Variants in PIK3CB observed in about 807,000 individuals in gnomAD.
PIK3CB encodes phosphatidylinositol 4,5-bisphosphate 3-kinase catalytic subunit beta isoform.
A neutral mutation model predicts 136.8 loss-of-function variants in PIK3CB; 39 were observed. That is an observed-to-expected ratio of 0.29 (90% confidence interval 0.22 to 0.37). The LOEUF (loss-of-function observed/expected upper bound fraction) is 0.37. Ranked by LOEUF, PIK3CB falls within the 10% of genes least tolerant of loss-of-function variation. The pLI, the probability that PIK3CB is intolerant of heterozygous loss-of-function variation, is 1.00. For missense variants in PIK3CB, 868 were observed against 1,275.4 expected (o/e 0.68, Z 4.87); for synonymous variants, 428 against 436.6 (o/e 0.98, Z 0.25).
chr3:138,771,953 C>A (rs1158620537), intron 2 of PIK3CB, among the ~76,000 whole-genome samples: 3 of 150,002 alleles, frequency 2.0e-5, no homozygotes, highest in East Asian at 3.9e-4. Context: ...TGCAAATAGG[C>A]ACTGAGCCTT....
At chr3:138,749,619 C>T (rs1416612377) in intron 4 of PIK3CB, among the ~76,000 whole-genome samples, 1 of 152,136 alleles carries the variant, frequency 6.6e-6, no homozygotes, top group Non-Finnish European at 1.5e-5. Context: ...TCCCCCTACA[C>T]CACCCATAAT....
intron 20 of PIK3CB, among the ~76,000 whole-genome samples, chr3:138,664,643 C>T (rs191598315): frequency 2.1e-4 from 32 of 152,262 alleles, no homozygotes; most frequent in African/African-American, 7.5e-4. Flanking sequence ...TTTCTAACAC[C>T]ATAGCCATAA....
intron 1 of PIK3CB, among the ~76,000 whole-genome samples, chr3:138,802,549 G>GAAAAAA (rs59622228): frequency 6.8e-6 from 1 of 147,138 alleles, no homozygotes. Context: ...TTTGTGAGGG[G>GAAAAAA]AAAAAAAAAA....
chr3:138,740,381 C>CA (rs1320786398), intron 5 of PIK3CB, among the ~76,000 whole-genome samples: 1 of 152,060 alleles, frequency 6.6e-6, no homozygotes, highest in Non-Finnish European at 1.5e-5. Context: ...ACAAAACAAA[C>CA]AAAAAACCCT....
At chr3:138,773,048 A>G (rs1255543796) in intron 2 of PIK3CB, among the ~76,000 whole-genome samples, 2 of 151,694 alleles carry the variant, frequency 1.3e-5, no homozygotes, top group African/African-American at 2.4e-5. Flanking sequence ...TTGGCCTCCC[A>G]AAGTGCTGGG....
intron 2 of PIK3CB, among the ~76,000 whole-genome samples, chr3:138,784,958 C>T (rs1440946323): frequency 1.3e-5 from 2 of 151,876 alleles, no homozygotes; most frequent in South Asian, 2.1e-4. Context: ...CGTCTCTGCC[C>T]GGCCACCCCG....
At chr3:138,731,769 G>C (rs1337212795) in intron 8 of PIK3CB, among the ~76,000 whole-genome samples, 1 of 151,780 alleles carries the variant, frequency 6.6e-6, no homozygotes, top group African/African-American at 2.4e-5. Context: ...CGGATCACGA[G>C]GTCAGGAGTT....
chr3:138,758,587 G>C (rs150213221), intron 3 of PIK3CB, among the ~76,000 whole-genome samples: 54 of 152,254 alleles, frequency 3.5e-4, no homozygotes, highest in Middle Eastern at 3.4e-3. Context: ...AAGAAGCTTG[G>C]AAAGGAGTTA....
chr3:138,698,378 G>A (rs1398272104), intron 13 of PIK3CB, among the ~76,000 whole-genome samples: 1 of 152,086 alleles, frequency 6.6e-6, no homozygotes, highest in Non-Finnish European at 1.5e-5. Flanking sequence ...TTAAATCAGG[G>A]AACTAAAATT....
In PIK3CB at chr3:138,666,863, T is replaced by A. The variant is rs1031220115; in HGVS notation, c.2505-1660A>T. 3.9e-5 allele frequency among the ~76,000 whole-genome samples: 6 copies of A among 152,060 alleles called. No homozygotes were observed. In the South Asian group the frequency reaches 1.2e-3, roughly 32 times the overall value. ...GCAAATGTACAATGTGCATGTGTGA[T>A]CTCTGTATAAGGAAGAAGTGCCAGG... On this transcript the variant is annotated intron_variant, in intron 19 of 23. Transcript: ENST00000674063.
At chr3:138,787,500 C>T (rs1287598850) in intron 2 of PIK3CB, among the ~76,000 whole-genome samples, 1 of 151,912 alleles carries the variant, frequency 6.6e-6, no homozygotes, top group Non-Finnish European at 1.5e-5. Flanking sequence ...ATCTTAATGA[C>T]AATTGCAAAC....
intron 19 of PIK3CB, among the ~76,000 whole-genome samples, chr3:138,666,327 C>T (rs888632993): frequency 3.9e-5 from 6 of 152,054 alleles, no homozygotes; most frequent in African/African-American, 9.7e-5. Context: ...AGTGCCACTA[C>T]GCCTGGCTAG....
At chr3:138,685,420 A>AAAAAAAAAAAAAAAAAAAAAAGAAAG (rs2043866681) in intron 16 of PIK3CB, among the ~76,000 whole-genome samples, 6 of 86,976 alleles carry the variant, frequency 6.9e-5, no homozygotes, top group South Asian at 6.3e-4. Flanking sequence ...AAAAAAAAAA[A>AAAAAAAAAAAAAAAAAAAAAAGAAAG]AAAGAAAGAA....
chr3:138,777,941 C>A, intron 2 of PIK3CB: 2 of 290,186 alleles, frequency 6.9e-6, no homozygotes, highest in South Asian at 3.7e-5. Flanking sequence ...CCTCATTGCC[C>A]TCAACTACAC....
intron 1 of PIK3CB, among the ~76,000 whole-genome samples, chr3:138,818,857 G>C (rs1933444713): frequency 6.6e-6 from 1 of 151,998 alleles, no homozygotes; most frequent in East Asian, 1.9e-4. Flanking sequence ...ATGTTATATA[G>C]AGTCTTAACT....
At chr3:138,831,356 G>A (rs2108937940) in intron 1 of PIK3CB, among the ~76,000 whole-genome samples, 1 of 151,996 alleles carries the variant, frequency 6.6e-6, no homozygotes, top group South Asian at 2.1e-4. Flanking sequence ...ACTTTGGGAG[G>A]CCGAGGCGGC....
intron 19 of PIK3CB, among the ~76,000 whole-genome samples, chr3:138,680,430 T>TA (rs577923006): frequency 4.2e-4 from 64 of 152,040 alleles, no homozygotes; most frequent in African/African-American, 1.5e-3. Flanking sequence ...GAGGATGTTA[T>TA]AAAAAAATAT....
In PIK3CB at chr3:138,834,305, G is replaced by C. The variant is rs199801951; in HGVS notation, c.-122+390C>G. ...TCTGAAATACACTTCTGCGCAAAAA[G>C]GCACCTGAGGGTCGGGAAGTTCCGG... On this transcript the variant is annotated intron_variant, in intron 1 of 23. Transcript: ENST00000674063. Among the ~76,000 whole-genome samples, 18 of 152,214 alleles carry C rather than the reference G, an allele frequency of 1.2e-4. No individual in the cohort carries two copies. The East Asian group carries it at 2.5e-3, about 21-fold the overall frequency.
chr3:138,797,544 T>C (rs960239348), intron 1 of PIK3CB, among the ~76,000 whole-genome samples: 6 of 152,164 alleles, frequency 3.9e-5, no homozygotes, highest in African/African-American at 1.2e-4. Context: ...TTGATGAAGA[T>C]GAATTTTTTA....
Sources: allele counts gnomAD v4.1 joint callset (sites outside exome capture counted in the v4.1 genomes callset), GRCh38; gene constraint gnomAD v4.1.1; transcripts MANE v1.5; gene names NCBI Gene and HGNC (gene_info 2026-07-23, HGNC 2026-07-21).